Variants in TMEM253 observed in about 807,000 individuals in gnomAD.
TMEM253 encodes transmembrane protein 253.
A neutral mutation model predicts 20.3 loss-of-function variants in TMEM253; 22 were observed. The observed-to-expected ratio is 1.08, with a 90% CI of 0.78 to 1.55. The LOEUF (loss-of-function observed/expected upper bound fraction) is 1.55, where lower values mean the gene tolerates loss of function less well. Among genes scored for constraint, TMEM253 ranks in the 40% most tolerant of loss-of-function variants. The pLI is 0.00. For missense variants in TMEM253, 251 were observed against 266.1 expected (o/e 0.94, Z 0.39); for synonymous variants, 92 against 102.6 (o/e 0.90, Z 0.62).
In TMEM253 at chr14:21,102,404, G is replaced by A. The variant is rs1423444265; in HGVS notation, c.277-1G>A. ...GCAGGGCTGAGCTGGCTCACTGGCA[G>A]GTGCGGGCCATGATGATATTCAACA... On this transcript the variant is annotated splice_acceptor_variant, in intron 4 of 6. Transcript: ENST00000556585. LOFTEE classifies it high-confidence loss of function. 4 of 1,551,708 alleles carry A rather than the reference G, an allele frequency of 2.6e-6. No homozygotes were observed. In the Admixed American group the frequency reaches 5.9e-5, roughly 23 times the overall value.
exon 7 of TMEM253, chr14:21,103,181 C>T (rs1436106191): frequency 1.9e-6 from 3 of 1,551,534 alleles, no homozygotes; most frequent in Non-Finnish European, 2.6e-6. Flanking sequence ...GGAGAATGGT[C>T]CCACGGTGGC....
chr14:21,099,668 T>C (rs373151811), upstream of TMEM253, among the ~76,000 whole-genome samples: 24 of 152,356 alleles, frequency 1.6e-4, 3 homozygotes, highest in Admixed American at 1.0e-3. Context: ...ATAGTGATGA[T>C]GATCATAGCC....
chr14:21,100,087 A>C (rs1413352223), upstream of TMEM253, among the ~76,000 whole-genome samples: 2 of 152,282 alleles, frequency 1.3e-5, no homozygotes, highest in East Asian at 1.9e-4. Flanking sequence ...ATCAGGACAG[A>C]CACAGTGGCC....
exon 6 of TMEM253, chr14:21,102,694 T>C: frequency 6.4e-7 from 1 of 1,551,582 alleles, no homozygotes; most frequent in South Asian, 1.2e-5. Context: ...GGAGTGCTGG[T>C]CTCAGTGCAC....
exon 7 of TMEM253, chr14:21,103,186 G>C (rs1889757230): frequency 1.3e-6 from 2 of 1,551,636 alleles, no homozygotes; most frequent in Non-Finnish European, 1.7e-6. Flanking sequence ...ATGGTCCCAC[G>C]GTGGCCAGCA....
At chr14:21,102,542 G>C (rs768832501) in intron 5 of TMEM253, 27 bp downstream of exon 5, 422 of 1,551,634 alleles carry the variant, frequency 2.7e-4, no homozygotes, top group Non-Finnish European at 3.6e-4. Flanking sequence ...GAGAAGGTGG[G>C]AGGATAAGGA....
upstream of TMEM253, among the ~76,000 whole-genome samples, chr14:21,099,766 C>T (rs544223205): frequency 6.6e-6 from 1 of 152,342 alleles, no homozygotes; most frequent in Non-Finnish European, 1.5e-5. Flanking sequence ...TTATTAACTT[C>T]CTTTTATAGA....
At chr14:21,101,814 G>A (rs571270162) in intron 2 of TMEM253, 51 bp from the exon 3 acceptor site, 3 of 1,432,768 alleles carry the variant, frequency 2.1e-6, no homozygotes, top group Non-Finnish European at 2.9e-6. Context: ...GTTACGAGAA[G>A]GGAGGGAATC....
At chr14:21,103,308 C>T (rs1029832344) in exon 7 of TMEM253, 6 of 1,529,404 alleles carry the variant, frequency 3.9e-6, no homozygotes, top group Non-Finnish European at 5.3e-6. Context: ...AACTCAGAAG[C>T]TTGCTGGGAT....
upstream of TMEM253, chr14:21,098,954 T>C (rs1283640022): frequency 3.7e-6 from 3 of 805,764 alleles, no homozygotes; most frequent in Non-Finnish European, 5.1e-6. Context: ...ATAGAGATAG[T>C]TAATGTCGGC....
chr14:21,099,946 G>A (rs1889531276), upstream of TMEM253, among the ~76,000 whole-genome samples: 1 of 152,090 alleles, frequency 6.6e-6, no homozygotes, highest in African/African-American at 2.4e-5. Context: ...CAGACTTATC[G>A]GTGTGACCTC....
chr14:21,099,879 G>A (rs1268118391), upstream of TMEM253, among the ~76,000 whole-genome samples: 3 of 152,108 alleles, frequency 2.0e-5, no homozygotes, highest in Non-Finnish European at 4.4e-5. Flanking sequence ...TTCTGCTTCC[G>A]ACTGTAGAAA....
Position 21,102,308 on chromosome 14 carries a change from G to A in TMEM253, c.277-97G>A. ...TATGGCCCTGTTTGGAGGCTGAGAA[G>A]CAGAAGCTGAGTTTTGTCTTCAGCT... On this transcript the variant is annotated intron_variant, in intron 4 of 6. Transcript: ENST00000556585. 11 of 1,469,124 alleles carry A rather than the reference G, an allele frequency of 7.5e-6. No homozygotes were observed. The South Asian group carries it at 1.0e-4, about 14-fold the overall frequency. 91.0% of individuals were successfully genotyped at this position (1,469,124 alleles called of 1,614,324 possible). A position where few individuals can be genotyped will look rare whatever the true frequency, so the allele number is the denominator to read the frequency against.
Position 21,102,777 on chromosome 14 carries a change from G to T in TMEM253, c.532G>T (p.Glu178Ter). The change falls in exon 6 of 7, where the codon GAG becomes TAG. Residue 178 changes from glutamate to a stop codon, truncating the protein, a stop_gained and splice_region_variant. Transcript: ENST00000556585. LOFTEE classifies it low-confidence loss of function (END_TRUNC). ...GAGTCTGCACTATCAAGAGCTGCAG[G>T]AGGTATGGGGGCAGGGAAGAAAGCA... The T allele has an allele frequency of 6.5e-7, 1 of 1,549,066 alleles. No individual in the cohort carries two copies.
At chr14:21,102,177 A>G (rs1889683876) in intron 4 of TMEM253, 57 bp downstream of exon 4, 1 of 1,508,718 alleles carries the variant, frequency 6.6e-7, no homozygotes, top group Non-Finnish European at 8.9e-7. Flanking sequence ...GACACCTACA[A>G]CCCTCAGCCT....
intron 6 of TMEM253, 134 bp from the exon 7 acceptor site, chr14:21,103,005 T>G: frequency 6.8e-7 from 1 of 1,461,014 alleles, no homozygotes; most frequent in Non-Finnish European, 9.3e-7. Context: ...GGGAAAGCAT[T>G]AGGAAGCTGC....
chr14:21,100,961 G>T, upstream of TMEM253: 1 of 170,674 alleles, frequency 5.9e-6, no homozygotes, highest in South Asian at 1.3e-4. Context: ...GGAACAGAGT[G>T]AGGTCGGGCT....
At chr14:21,103,105 C>G in intron 6 of TMEM253, 34 bp from the exon 7 acceptor site, 1 of 1,551,570 alleles carries the variant, frequency 6.4e-7, no homozygotes, top group Non-Finnish European at 8.7e-7. Context: ...TTTCTCACCT[C>G]TACAATTTGC....
upstream of TMEM253, among the ~76,000 whole-genome samples, chr14:21,099,638 G>A (rs999152409): frequency 6.6e-6 from 1 of 152,136 alleles, no homozygotes; most frequent in Non-Finnish European, 1.5e-5. Flanking sequence ...TCCTCTTATC[G>A]TCAACAACAA....
Sources: gnomAD v4.1 joint callset for allele counts (sites outside exome capture counted in the v4.1 genomes callset) on GRCh38, gnomAD v4.1.1 for gene constraint, MANE v1.5 for transcripts, NCBI Gene and HGNC (gene_info 2026-07-23, HGNC 2026-07-21) for gene names.